GPR39: variants seen among roughly 807,000 people sequenced by gnomAD.
GPR39 encodes G protein-coupled receptor 39.
In GPR39, 23 loss-of-function variants were observed where a neutral mutation model predicts 18.4. The ratio of observed to expected loss-of-function variants is 1.25; its 90% CI spans 0.90 to 1.77. The LOEUF (loss-of-function observed/expected upper bound fraction) is 1.77. Among genes scored for constraint, GPR39 ranks in the 40% most tolerant of loss-of-function variants. The pLI is 0.00. For synonymous variants in GPR39, 280 were observed against 257.9 expected (o/e 1.09, Z -0.82); for missense variants, 647 against 602.4 (o/e 1.07, Z -0.78).
chr2:132,605,907 A>G (rs1223533540), intron 1 of GPR39, among the ~76,000 whole-genome samples: 1 of 152,212 alleles, frequency 6.6e-6, no homozygotes, highest in Admixed American at 6.5e-5. Flanking sequence ...AAACGTATTC[A>G]TGGGCTTGGC....
intron 1 of GPR39, among the ~76,000 whole-genome samples, chr2:132,446,456 T>C (rs6730268): frequency 0.48 from 73,622 of 152,136 alleles, 20,106 homozygotes; most frequent in Non-Finnish European, 0.62. Context: ...TAAGCGTTTA[T>C]TGAGTTTCTG....
intron 1 of GPR39, among the ~76,000 whole-genome samples, chr2:132,550,403 G>T (rs1356495529): frequency 6.6e-6 from 1 of 152,206 alleles, no homozygotes; most frequent in East Asian, 1.9e-4. Context: ...TTGCCTCTTG[G>T]AAAACACACT....
intron 1 of GPR39, among the ~76,000 whole-genome samples, chr2:132,553,791 C>G (rs1029471394): frequency 1.3e-5 from 2 of 152,074 alleles, no homozygotes; most frequent in African/African-American, 4.8e-5. Flanking sequence ...CCTGCCTTAG[C>G]AGAAGGCCTC....
chr2:132,605,878 T>G (rs1420857893), intron 1 of GPR39, among the ~76,000 whole-genome samples: 1 of 152,214 alleles, frequency 6.6e-6, no homozygotes, highest in Non-Finnish European at 1.5e-5. Context: ...TAAATTGAGA[T>G]GCTGAGCTGT....
At chr2:132,459,544 A>G (rs1160788215) in intron 1 of GPR39, among the ~76,000 whole-genome samples, 1 of 152,120 alleles carries the variant, frequency 6.6e-6, no homozygotes, top group African/African-American at 2.4e-5. Flanking sequence ...TTGTATGTGT[A>G]TATTCCTTTT....
At chr2:132,482,833 T>C (rs1266947524) in intron 1 of GPR39, among the ~76,000 whole-genome samples, 1 of 152,242 alleles carries the variant, frequency 6.6e-6, no homozygotes, top group Non-Finnish European at 1.5e-5. Context: ...ATGCTTTACC[T>C]TGTATTAATA....
In GPR39 at chr2:132,436,688, C is replaced by T. The variant is rs187523344; in HGVS notation, c.856+18790C>T. 2.1e-3 allele frequency among the ~76,000 whole-genome samples: 321 copies of T among 152,184 alleles called. 1 individual carries two copies. Among genetic ancestry groups the T allele is most frequent in the Non-Finnish European group, 5.9e-4 (40 of 68,024 alleles). Reference sequence around the variant, plus strand: ...ATATTCAGCTTAGTAAAGAGCCCCCCGGCTTGAAGGAATTTCAGTGATGTG... The same window carrying T: ...ATATTCAGCTTAGTAAAGAGCCCCCTGGCTTGAAGGAATTTCAGTGATGTG... On this transcript the variant is annotated intron_variant, in intron 1 of 1. Transcript: ENST00000329321.
chr2:132,580,990 A>AG (rs1243621201), intron 1 of GPR39, among the ~76,000 whole-genome samples: 4 of 151,040 alleles, frequency 2.6e-5, no homozygotes, highest in African/African-American at 9.8e-5. Flanking sequence ...AAAAACACCA[A>AG]AAAAAAACAA....
intron 1 of GPR39, among the ~76,000 whole-genome samples, chr2:132,483,429 C>T (rs1681272375): frequency 2.0e-5 from 3 of 152,198 alleles, no homozygotes; most frequent in Admixed American, 6.5e-5. Flanking sequence ...GGCTGGGCAG[C>T]CCTGTGTGTT....
intron 1 of GPR39, among the ~76,000 whole-genome samples, chr2:132,559,857 C>A (rs1018558557): frequency 2.0e-5 from 3 of 152,092 alleles, no homozygotes; most frequent in African/African-American, 7.2e-5. Flanking sequence ...GAGTACATTT[C>A]TAACAAGTTC....
chr2:132,511,891 T>C (rs1027021819), intron 1 of GPR39, among the ~76,000 whole-genome samples: 2 of 51,380 alleles, frequency 3.9e-5, no homozygotes, highest in African/African-American at 1.1e-4. Context: ...AGGCAGACTC[T>C]ATACATTGAA....
At chr2:132,600,850 T>C (rs1483345421) in intron 1 of GPR39, among the ~76,000 whole-genome samples, 3 of 152,204 alleles carry the variant, frequency 2.0e-5, no homozygotes, top group African/African-American at 4.8e-5. Flanking sequence ...CATTGGTGAA[T>C]TGTACAGTAG....
At chr2:132,460,390 G>A (rs185342676) in intron 1 of GPR39, among the ~76,000 whole-genome samples, 1 of 152,316 alleles carries the variant, frequency 6.6e-6, no homozygotes, top group African/African-American at 2.4e-5. Flanking sequence ...TAGGCTTGAT[G>A]TCTGGGCTGG....
intron 1 of GPR39, among the ~76,000 whole-genome samples, chr2:132,512,586 A>T (rs1475824658): frequency 6.6e-6 from 1 of 152,210 alleles, no homozygotes; most frequent in Non-Finnish European, 1.5e-5. Flanking sequence ...ATGTGACCTC[A>T]GGAGAGTTAC....
Position 132,586,772 on chromosome 2 carries a change from G to T in GPR39, c.857-58329G>T, listed in dbSNP as rs1680738627. On this transcript the variant is annotated intron_variant, in intron 1 of 1. Transcript: ENST00000329321. ...TGGGTCTTCAAAAGAATATGGTGCT[G>T]TCTGAGATTGTAGATATGTGCCCAC... Among the ~76,000 whole-genome samples, 3 of 152,202 alleles carry T rather than the reference G, an allele frequency of 2.0e-5. No individual in the cohort carries two copies. In the South Asian group the frequency reaches 6.2e-4, roughly 32 times the overall value.
At chr2:132,590,951 G>A (rs1487609526) in intron 1 of GPR39, among the ~76,000 whole-genome samples, 2 of 151,942 alleles carry the variant, frequency 1.3e-5, no homozygotes, top group African/African-American at 4.8e-5. Flanking sequence ...AGCACAGCTA[G>A]GATAAAAACA....
At chr2:132,622,466 C>G (rs1402420882) in intron 1 of GPR39, among the ~76,000 whole-genome samples, 1 of 152,068 alleles carries the variant, frequency 6.6e-6, no homozygotes, top group East Asian at 1.9e-4. Context: ...GACCATGGAC[C>G]AGGGAAACAG....
chr2:132,488,082 A>C (rs929636352), intron 1 of GPR39, among the ~76,000 whole-genome samples: 2 of 152,152 alleles, frequency 1.3e-5, no homozygotes, highest in African/African-American at 4.8e-5. Context: ...TTCCATTTTG[A>C]CCAGTGGGGA....
intron 1 of GPR39, among the ~76,000 whole-genome samples, chr2:132,612,768 TATC>T (rs1222612350): frequency 2.0e-5 from 3 of 152,252 alleles, no homozygotes; most frequent in Non-Finnish European, 4.4e-5. Flanking sequence ...TATAAGTCTT[TATC>T]ATCATTCTTC....
Sources: gnomAD v4.1 joint callset for allele counts (sites outside exome capture counted in the v4.1 genomes callset) on GRCh38, gnomAD v4.1.1 for gene constraint, MANE v1.5 for transcripts, NCBI Gene and HGNC (gene_info 2026-07-23, HGNC 2026-07-21) for gene names.